The following SLCO1B1 variants were observed in gnomAD, a reference collection of about 807,000 sequenced individuals.
The protein encoded by SLCO1B1 is solute carrier organic anion transporter family member 1B1.
Under a neutral mutation model 70.1 loss-of-function variants are expected in SLCO1B1, and 81 were observed. The observed-to-expected ratio is 1.16, with a 90% confidence interval of 0.97 to 1.39. The LOEUF is 1.39. SLCO1B1 is among the 40% of genes most tolerant of loss of function. SLCO1B1 has a pLI of 0.00. For synonymous variants in SLCO1B1, 283 were observed against 271.5 expected, an observed-to-expected ratio of 1.04 and a Z score of -0.42; for missense variants, 895 against 799.6, an observed-to-expected ratio of 1.12 and a Z score of -1.44.
intron 7 of SLCO1B1, among the ~76,000 whole-genome samples, chr12:21,181,078 T>C (rs1940890542): frequency 6.6e-6 from 1 of 152,194 alleles, no homozygotes; most frequent in Non-Finnish European, 1.5e-5. Flanking sequence ...AGGAGAATTC[T>C]TTTGGTTGTG....
intron 12 of SLCO1B1, among the ~76,000 whole-genome samples, chr12:21,218,535 T>G (rs1185609144): frequency 6.6e-6 from 1 of 152,170 alleles, no homozygotes; most frequent in East Asian, 1.9e-4. Context: ...TTGTTTAATT[T>G]TGACCCTGAC....
chr12:21,186,971 A>G (rs1291949316), intron 7 of SLCO1B1, among the ~76,000 whole-genome samples: 2 of 152,168 alleles, frequency 1.3e-5, no homozygotes, highest in Non-Finnish European at 2.9e-5. Flanking sequence ...AAATTTTCAA[A>G]ATAACAGAAG....
intron 8 of SLCO1B1, among the ~76,000 whole-genome samples, chr12:21,198,618 T>C (rs1941122328): frequency 6.6e-6 from 1 of 151,944 alleles, no homozygotes; most frequent in South Asian, 2.1e-4. Flanking sequence ...TATGTATCTA[T>C]TAGGAATGGA....
intron 2 of SLCO1B1, among the ~76,000 whole-genome samples, chr12:21,163,818 C>T (rs553264352): frequency 3.3e-4 from 50 of 152,060 alleles, no homozygotes; most frequent in African/African-American, 1.0e-3. Flanking sequence ...ATTTGACATG[C>T]GCATTTGAGA....
rs1397539956 is a variant in SLCO1B1, at chr12:21,166,937, A to G, written c.85-5713A>G. On this transcript the variant is annotated intron_variant, in intron 2 of 14. Transcript: ENST00000256958. ...TAGGTAAAGCGACCTTGGTACATTC[A>G]TGCAATAGAATAAGAATATTTTTAG... Among the ~76,000 whole-genome samples the G allele has an allele frequency of 3.3e-5, 5 of 152,226 alleles. No homozygotes were observed. In the East Asian group the frequency reaches 9.6e-4, roughly 29 times the overall value.
chr12:21,174,731 A>C (rs779822784), intron 4 of SLCO1B1, 22 bp downstream of exon 4: 4 of 1,607,106 alleles, frequency 2.5e-6, no homozygotes, highest in Non-Finnish European at 3.4e-6. Flanking sequence ...AAAAAAAAAA[A>C]ACCTCTGTGC....
intron 2 of SLCO1B1, among the ~76,000 whole-genome samples, chr12:21,142,616 T>C (rs1177401733): frequency 1.3e-5 from 2 of 152,042 alleles, no homozygotes; most frequent in Non-Finnish European, 2.9e-5. Flanking sequence ...AAAATTTGTT[T>C]GTTTTCTGAG....
At chr12:21,139,457 T>C (rs757119040) in intron 1 of SLCO1B1, among the ~76,000 whole-genome samples, 1 of 152,172 alleles carries the variant, frequency 6.6e-6, no homozygotes, top group African/African-American at 2.4e-5. Context: ...CATATGTTGA[T>C]ATATACTCAC....
At chr12:21,225,194 A>G (rs540242302) in intron 14 of SLCO1B1, among the ~76,000 whole-genome samples, 2 of 152,140 alleles carry the variant, frequency 1.3e-5, no homozygotes, top group Non-Finnish European at 2.9e-5. Flanking sequence ...TACACATGTA[A>G]ATATAGACAC....
intron 9 of SLCO1B1, among the ~76,000 whole-genome samples, chr12:21,202,205 G>A (rs1292656413): frequency 2.0e-5 from 3 of 152,072 alleles, no homozygotes; most frequent in Non-Finnish European, 2.9e-5. Context: ...ACCGGGGACT[G>A]TTGAGGGGTG....
chr12:21,193,949 C>G (rs969651709), intron 7 of SLCO1B1, among the ~76,000 whole-genome samples: 2 of 152,124 alleles, frequency 1.3e-5, no homozygotes, highest in Non-Finnish European at 1.5e-5. Flanking sequence ...CACCACGATG[C>G]CTGGCTAATT....
At chr12:21,148,350 T>A (rs917624522) in intron 2 of SLCO1B1, among the ~76,000 whole-genome samples, 6 of 152,218 alleles carry the variant, frequency 3.9e-5, no homozygotes, top group Non-Finnish European at 8.8e-5. Context: ...AGGTCTTACA[T>A]TTAAGTCTTT....
At chr12:21,192,356 T>A (rs890632275) in intron 7 of SLCO1B1, among the ~76,000 whole-genome samples, 8 of 151,906 alleles carry the variant, frequency 5.3e-5, no homozygotes, top group Non-Finnish European at 1.2e-4. Flanking sequence ...TATTTTTTCT[T>A]TCTTATCTAA....
intron 14 of SLCO1B1, among the ~76,000 whole-genome samples, chr12:21,232,363 T>C (rs932555206): frequency 1.1e-4 from 17 of 152,158 alleles, no homozygotes; most frequent in African/African-American, 3.6e-4. Context: ...ATTCCTGTCC[T>C]CTAGATGGCA....
chr12:21,233,337 A>G (rs1407501377), intron 14 of SLCO1B1, among the ~76,000 whole-genome samples: 1 of 152,122 alleles, frequency 6.6e-6, no homozygotes, highest in Non-Finnish European at 1.5e-5. Flanking sequence ...TCTCCTCCAC[A>G]TATACAAATA....
At chr12:21,204,173 G>C (rs1052871946) in intron 10 of SLCO1B1, among the ~76,000 whole-genome samples, 1 of 151,632 alleles carries the variant, frequency 6.6e-6, no homozygotes, top group African/African-American at 2.4e-5. Context: ...CAGAGGTCTC[G>C]GAATGTGTTC....
At chr12:21,211,346 T>C (rs551647716) in intron 11 of SLCO1B1, among the ~76,000 whole-genome samples, 2 of 152,360 alleles carry the variant, frequency 1.3e-5, no homozygotes, top group Admixed American at 6.5e-5. Flanking sequence ...TGGCTCTGTT[T>C]ATATGCTGGA....
chr12:21,137,368 G>A (rs1012081247), intron 1 of SLCO1B1, among the ~76,000 whole-genome samples: 5 of 152,146 alleles, frequency 3.3e-5, no homozygotes, highest in African/African-American at 1.2e-4. Flanking sequence ...TGTCAGAGAG[G>A]GACATTTAAG....
intron 7 of SLCO1B1, among the ~76,000 whole-genome samples, chr12:21,184,053 A>G (rs1940935665): frequency 6.6e-6 from 1 of 152,066 alleles, no homozygotes; most frequent in South Asian, 2.1e-4. Flanking sequence ...AAAGAAAGAA[A>G]AAAAAACATA....
Sources: allele counts gnomAD v4.1 joint callset (sites outside exome capture counted in the v4.1 genomes callset), GRCh38; gene constraint gnomAD v4.1.1; transcripts MANE v1.5; gene names NCBI Gene and HGNC (gene_info 2026-07-23, HGNC 2026-07-21).